UXS1: variants seen among roughly 807,000 people sequenced by gnomAD.
The protein encoded by UXS1 is UDP-glucuronate decarboxylase 1, also known as UDP-glucuronic acid decarboxylase 1.
In UXS1, 33 loss-of-function variants were observed where a neutral mutation model predicts 62.6. That is an observed-to-expected ratio of 0.53 (90% CI 0.40 to 0.70). The LOEUF (loss-of-function observed/expected upper bound fraction) is 0.70. Ranked by LOEUF, UXS1 falls within the 30% of genes least tolerant of loss-of-function variation. The pLI is 0.00. For missense variants in UXS1, 434 were observed against 556.3 expected, an observed-to-expected ratio of 0.78 and a Z score of 2.21; for synonymous variants, 213 against 206.8, an observed-to-expected ratio of 1.03 and a Z score of -0.26.
At chr2:106,171,552 C>T (rs977885297) in intron 1 of UXS1, among the ~76,000 whole-genome samples, 6 of 152,134 alleles carry the variant, frequency 3.9e-5, no homozygotes, top group African/African-American at 1.2e-4. Flanking sequence ...CATAAAAGCC[C>T]GGGATTTTAA....
At chr2:106,153,950 C>CA (rs1201058193) in intron 5 of UXS1, among the ~76,000 whole-genome samples, 1 of 152,050 alleles carries the variant, frequency 6.6e-6, no homozygotes. Context: ...AAAAATTCAA[C>CA]AAAGGGATTC....
chr2:106,106,824 G>T (rs531060119), intron 10 of UXS1, among the ~76,000 whole-genome samples: 2 of 152,230 alleles, frequency 1.3e-5, no homozygotes, highest in African/African-American at 4.8e-5. Flanking sequence ...TGCCGTAGGT[G>T]TAACTCTTTT....
intron 11 of UXS1, chr2:106,102,387 AG>A (rs1677666890): frequency 6.6e-6 from 1 of 152,214 alleles, no homozygotes; most frequent in Non-Finnish European, 1.5e-5. Flanking sequence ...AGTTGGAAGA[AG>A]GGTGACTCTC....
rs530695572 is a variant in UXS1 at position 106,105,674 on chromosome 2, T to C, written c.880-837A>G. Among the ~76,000 whole-genome samples the C allele has an allele frequency of 1.2e-3, 185 of 152,318 alleles. 1 individual carries two copies. The Middle Eastern group carries it at 0.017, about 14-fold the overall frequency. ...TTTGCCCTGCTGGAGCCCAGCACGA[T>C]GTGAGGTGCGATACCAGCATGGGAT... On this transcript the variant is annotated intron_variant, in intron 10 of 14. Transcript: ENST00000283148.
At chr2:106,097,601 C>T (rs559581777) in intron 13 of UXS1, 9 of 235,504 alleles carry the variant, frequency 3.8e-5, no homozygotes, top group East Asian at 8.7e-5. Context: ...AGCGTCAGCA[C>T]GCACGGATCA....
At chr2:106,190,483 C>G (rs1339601039) in intron 1 of UXS1, among the ~76,000 whole-genome samples, 1 of 152,098 alleles carries the variant, frequency 6.6e-6, no homozygotes, top group Non-Finnish European at 1.5e-5. Context: ...CGGTGGCTCA[C>G]GCCTGCAATC....
At chr2:106,139,302 G>A (rs192223425) in intron 6 of UXS1, among the ~76,000 whole-genome samples, 155 of 152,286 alleles carry the variant, frequency 1.0e-3, no homozygotes, top group Non-Finnish European at 2.0e-3. Flanking sequence ...GAAGTCTCAA[G>A]AAATGAGCCT....
At chr2:106,150,171 A>G (rs1272102604) in intron 5 of UXS1, among the ~76,000 whole-genome samples, 1 of 152,238 alleles carries the variant, frequency 6.6e-6, no homozygotes, top group East Asian at 1.9e-4. Context: ...TTTTAACTAC[A>G]TAGAGTAAAA....
At chr2:106,180,270 G>A (rs996250853) in intron 1 of UXS1, among the ~76,000 whole-genome samples, 1 of 152,224 alleles carries the variant, frequency 6.6e-6, no homozygotes, top group African/African-American at 2.4e-5. Flanking sequence ...AGGATTAGCT[G>A]GAAGGGAGCG....
intron 1 of UXS1, among the ~76,000 whole-genome samples, chr2:106,171,306 ATC>A (rs77250912): frequency 1.3e-5 from 2 of 152,148 alleles, no homozygotes; most frequent in African/African-American, 2.4e-5. Flanking sequence ...CACTTTCATA[ATC>A]TCTGAGTCTA....
chr2:106,193,972 G>A (rs1685105349), intron 1 of UXS1, among the ~76,000 whole-genome samples, 176 bp downstream of exon 1: 1 of 151,846 alleles, frequency 6.6e-6, no homozygotes, highest in African/African-American at 2.4e-5. Flanking sequence ...GCCCAAGTTG[G>A]CCCGCTTTGC....
intron 10 of UXS1, among the ~76,000 whole-genome samples, chr2:106,106,054 G>A (rs1256241837): frequency 6.6e-6 from 1 of 152,176 alleles, no homozygotes; most frequent in Non-Finnish European, 1.5e-5. Context: ...AAAGGGGAAG[G>A]ATCAGGTGGA....
At chr2:106,125,989 C>T (rs1050286863) in intron 7 of UXS1, among the ~76,000 whole-genome samples, 24 of 152,104 alleles carry the variant, frequency 1.6e-4, no homozygotes, top group Non-Finnish European at 7.4e-5. Context: ...AAATATTACC[C>T]CATATTTTAC....
intron 1 of UXS1, among the ~76,000 whole-genome samples, chr2:106,192,857 G>C (rs1173565492): frequency 3.3e-5 from 5 of 152,182 alleles, no homozygotes; most frequent in Non-Finnish European, 7.3e-5. Context: ...ATGGCACTAA[G>C]AATCATGACT....
intron 5 of UXS1, among the ~76,000 whole-genome samples, chr2:106,154,000 G>A (rs572707790): frequency 2.6e-5 from 4 of 152,104 alleles, no homozygotes; most frequent in Admixed American, 6.5e-5. Context: ...CAGCAAACTT[G>A]GACTGAAAGG....
chr2:106,165,825 G>A (rs1329276495), intron 2 of UXS1, among the ~76,000 whole-genome samples: 1 of 148,158 alleles, frequency 6.7e-6, no homozygotes, highest in East Asian at 2.0e-4. Flanking sequence ...AAGCGGGGGT[G>A]GCCGACCATT....
intron 4 of UXS1, among the ~76,000 whole-genome samples, chr2:106,163,060 G>A (rs951799191): frequency 3.9e-5 from 6 of 152,326 alleles, no homozygotes; most frequent in Admixed American, 1.3e-4. Context: ...ACGTGCAAGA[G>A]GAAAGTCCTG....
At chr2:106,119,561 G>A (rs1312813051) in intron 9 of UXS1, among the ~76,000 whole-genome samples, 2 of 152,194 alleles carry the variant, frequency 1.3e-5, no homozygotes, top group Non-Finnish European at 2.9e-5. Context: ...GGCACGCAGA[G>A]CATCCTCAAA....
chr2:106,176,311 T>TA, intron 1 of UXS1, among the ~76,000 whole-genome samples: 1 of 152,232 alleles, frequency 6.6e-6, no homozygotes, highest in Non-Finnish European at 1.5e-5. Context: ...TTTCCTTGGA[T>TA]AAACCCTGAG....
Sources: allele counts gnomAD v4.1 joint callset (sites outside exome capture counted in the v4.1 genomes callset), GRCh38; gene constraint gnomAD v4.1.1; transcripts MANE v1.5; gene names NCBI Gene and HGNC (gene_info 2026-07-23, HGNC 2026-07-21).